Variants in CMIP observed in about 807,000 individuals in gnomAD.
The protein encoded by CMIP is c-Maf inducing protein.
A neutral mutation model predicts 97.3 loss-of-function variants in CMIP; 13 were observed. The ratio of observed to expected loss-of-function variants is 0.13; its 90% CI spans 0.09 to 0.21. The LOEUF (loss-of-function observed/expected upper bound fraction) is 0.21. Among genes scored for constraint, CMIP ranks in the 10% least tolerant of loss-of-function variants. The pLI, the probability that CMIP is intolerant of heterozygous loss-of-function variation, is 1.00. For synonymous variants in CMIP, 538 were observed against 436.3 expected, an observed-to-expected ratio of 1.23 and a Z score of -2.91; for missense variants, 847 against 1,024.9, an observed-to-expected ratio of 0.83 and a Z score of 2.37.
intron 2 of CMIP, among the ~76,000 whole-genome samples, chr16:81,615,887 A>G (rs1033580408): frequency 6.6e-6 from 1 of 152,152 alleles, no homozygotes; most frequent in African/African-American, 2.4e-5. Flanking sequence ...CTTCTGATGG[A>G]AAGATGCTCA....
intron 2 of CMIP, among the ~76,000 whole-genome samples, chr16:81,613,401 C>A (rs1245547173): frequency 2.0e-5 from 3 of 152,174 alleles, no homozygotes; most frequent in African/African-American, 7.2e-5. Context: ...ACCTGAGTTC[C>A]TGCCCAACTT....
chr16:81,512,195 G>C (rs1220094389), intron 1 of CMIP, among the ~76,000 whole-genome samples: 10 of 152,198 alleles, frequency 6.6e-5, no homozygotes, highest in Admixed American at 5.2e-4. Context: ...CACTGATCTA[G>C]AGATTTGGTT....
In CMIP at chr16:81,495,629, T is replaced by C. The variant is rs2089476463; in HGVS notation, c.300+50088T>C. 5.8e-6 allele frequency: 5 copies of C among 855,350 alleles called. No homozygotes were observed. The East Asian group carries it at 8.1e-5, about 14-fold the overall frequency. The allele number at this position is 855,350 out of a possible 1,614,324, so 53.0% of individuals were successfully genotyped here. A position where few individuals can be genotyped will look rare whatever the true frequency, so the allele number is the denominator to read the frequency against. On this transcript the variant is annotated intron_variant, in intron 1 of 20. Coordinates refer to ENST00000537098, the MANE Select transcript of CMIP (RefSeq NM_198390.3). ...GGGTGGGCAGGTGTGTCTGCTAATC[T>C]GAGAGACCCCAGGCCCCTTCTCTTT...
chr16:81,665,357 T>C (rs904737091), intron 7 of CMIP: 3 of 152,214 alleles, frequency 2.0e-5, no homozygotes, highest in Non-Finnish European at 4.4e-5. Context: ...AACATCTTTT[T>C]GCAGATGCTT....
intron 3 of CMIP, among the ~76,000 whole-genome samples, chr16:81,629,276 C>T (rs1478943194): frequency 1.3e-5 from 2 of 151,970 alleles, no homozygotes; most frequent in African/African-American, 4.8e-5. Context: ...CAGACCACCT[C>T]TCCCAGGCCC....
At chr16:81,648,066 G>T (rs575455906) in intron 3 of CMIP, among the ~76,000 whole-genome samples, 5 of 147,886 alleles carry the variant, frequency 3.4e-5, no homozygotes, top group African/African-American at 1.3e-4. Flanking sequence ...ACCGCCTTCT[G>T]GTTACCTGGC....
At chr16:81,632,969 G>A (rs1335170564) in intron 3 of CMIP, among the ~76,000 whole-genome samples, 1 of 152,170 alleles carries the variant, frequency 6.6e-6, no homozygotes. Flanking sequence ...GGCGTTTGTG[G>A]GTTGTCATCG....
chr16:81,511,105 C>T (rs62046587), intron 1 of CMIP, among the ~76,000 whole-genome samples: 29,936 of 152,114 alleles, frequency 0.2, 3,618 homozygotes, highest in Admixed American at 0.31. Flanking sequence ...TTCAACAGTT[C>T]CCAGCTTATG....
At chr16:81,573,899 T>A (rs2091141471) in intron 1 of CMIP, among the ~76,000 whole-genome samples, 1 of 152,182 alleles carries the variant, frequency 6.6e-6, no homozygotes, top group Non-Finnish European at 1.5e-5. Context: ...AGTGAGTGTG[T>A]CTCAGAAATA....
At position 81,597,805 on chromosome 16, in the gene CMIP, G is replaced by A. The variant is rs559331691; in HGVS notation, c.301-9762G>A. ...CACATATGAAAAGTGCCACACTCAA[G>A]GACACAGATTTCTGTTCCTCTCACC... On this transcript the variant is annotated intron_variant, in intron 1 of 20. Coordinates refer to ENST00000537098, the MANE Select transcript of CMIP (RefSeq NM_198390.3). 3.3e-5 allele frequency among the ~76,000 whole-genome samples: 5 copies of A among 152,228 alleles called. No individual in the cohort carries two copies. The South Asian group carries it at 1.0e-3, about 32-fold the overall frequency.
intron 3 of CMIP, chr16:81,645,660 C>G: frequency 6.6e-7 from 1 of 1,520,092 alleles, no homozygotes. Flanking sequence ...CTGACTCTGC[C>G]AGACGGGAAG....
At chr16:81,604,327 C>T (rs895109416) in intron 1 of CMIP, among the ~76,000 whole-genome samples, 5 of 140,128 alleles carry the variant, frequency 3.6e-5, no homozygotes, top group South Asian at 4.7e-4. Context: ...ACCCGAGTGG[C>T]GGAAGTTGCA....
In CMIP at chr16:81,450,191, C is replaced by T. The variant is rs934863434; in HGVS notation, c.300+4650C>T. Among the ~76,000 whole-genome samples, 8 of 152,170 alleles carry T rather than the reference C, an allele frequency of 5.3e-5. No homozygotes were observed. The East Asian group carries it at 5.8e-4, about 11-fold the overall frequency. ...CAACTGCTGCCAGCCAGGACTGACT[C>T]GTCTTGAAGGTACCCAATTGGTGTT... On this transcript the variant is annotated intron_variant, in intron 1 of 20. Transcript: ENST00000537098.
At chr16:81,592,005 G>A (rs1180578084) in intron 1 of CMIP, among the ~76,000 whole-genome samples, 1 of 151,568 alleles carries the variant, frequency 6.6e-6, no homozygotes, top group African/African-American at 2.4e-5. Flanking sequence ...TGTGTTTTTA[G>A]TAGAGACAGG....
chr16:81,485,293 G>A (rs967490230), intron 1 of CMIP, among the ~76,000 whole-genome samples: 3 of 152,184 alleles, frequency 2.0e-5, no homozygotes, highest in South Asian at 2.1e-4. Context: ...GAAATACTGC[G>A]AACGACTTTG....
intron 4 of CMIP, among the ~76,000 whole-genome samples, chr16:81,654,239 T>A (rs1008912967): frequency 1.1e-4 from 16 of 152,022 alleles, no homozygotes; most frequent in Non-Finnish European, 1.8e-4. Context: ...GCTTTATTAT[T>A]ATTATTATTA....
At chr16:81,679,327 A>G (rs1051886774) in intron 10 of CMIP, among the ~76,000 whole-genome samples, 1 of 152,070 alleles carries the variant, frequency 6.6e-6, no homozygotes, top group Non-Finnish European at 1.5e-5. Flanking sequence ...AGTTTTGTGC[A>G]CTAGTGGCTG....
chr16:81,461,197 G>A (rs531895879), intron 1 of CMIP, among the ~76,000 whole-genome samples: 1 of 152,372 alleles, frequency 6.6e-6, no homozygotes, highest in Admixed American at 6.5e-5. Flanking sequence ...ATGTGGCAGG[G>A]CTGTGTGCAT....
chr16:81,486,955 A>C (rs1272770026), intron 1 of CMIP, among the ~76,000 whole-genome samples: 1 of 152,384 alleles, frequency 6.6e-6, no homozygotes, highest in Non-Finnish European at 1.5e-5. Context: ...GGCGCACGGC[A>C]GGCGATAACC....
Sources: allele counts gnomAD v4.1 joint callset (sites outside exome capture counted in the v4.1 genomes callset), GRCh38; gene constraint gnomAD v4.1.1; transcripts MANE v1.5; gene names NCBI Gene and HGNC (gene_info 2026-07-23, HGNC 2026-07-21).